The following DMPK variants were observed in gnomAD, a reference collection of about 807,000 sequenced individuals.
The protein encoded by DMPK is DM1 protein kinase.
A neutral mutation model predicts 70.3 loss-of-function variants in DMPK; 32 were observed. The observed-to-expected ratio is 0.46, with a 90% CI of 0.34 to 0.61. DMPK has a LOEUF of 0.61. Among genes scored for constraint, DMPK ranks in the 20% least tolerant of loss-of-function variants. The probability of loss-of-function intolerance (pLI) is 0.01; values close to 1 mark genes in which losing one functional copy is unlikely to be tolerated. For missense variants in DMPK, 899 were observed against 886.0 expected, an observed-to-expected ratio of 1.01 and a Z score of -0.19; for synonymous variants, 469 against 390.9, an observed-to-expected ratio of 1.20 and a Z score of -2.36.
In DMPK at chr19:45,770,952, C is replaced by T. The variant is rs1042689608; in HGVS notation, c.1737+19G>A. On this transcript the variant is annotated intron_variant, in intron 14 of 14. Transcript: ENST00000291270. ...CGCGGGGCGCGACGGCGGAGGGGGG[C>T]GTGGGCAGCCGGACGTACCCTGGCA... 51 of 1,409,022 alleles carry T rather than the reference C, an allele frequency of 3.6e-5. No individual in the cohort carries two copies. Among genetic ancestry groups the T allele is most frequent in the Admixed American group, 1.9e-4 (6 of 31,560 alleles). 87.3% of individuals were successfully genotyped at this position (1,409,022 alleles called of 1,614,324 possible).
At position 45,771,615 on chromosome 19, in the gene DMPK, C is replaced by G; in HGVS notation, c.1553G>C (p.Arg518Pro). 8 of 1,614,036 alleles carry G rather than the reference C, an allele frequency of 5.0e-6. No individual in the cohort carries two copies. Among genetic ancestry groups the G allele is most frequent in the Non-Finnish European group, 6.8e-6 (8 of 1,179,942 alleles). Residue 518 changes from arginine (R) to proline (P), a missense_variant, in exon 12 of 15, where the codon CGG becomes CCG. Transcript: ENST00000291270. ...ARNRDLEAHV[R>P]QLQERMELLQ... ...CAACTCCATCCGCTCCTGCAACTGC[C>G]GGACGTGTGCCTCTAGGTCCCGGTT...
chr19:45,772,893 C>G (rs1265679339), intron 9 of DMPK, 141 bp from the exon 10 acceptor site: 3 of 506,580 alleles, frequency 5.9e-6, no homozygotes, highest in South Asian at 3.2e-5. Flanking sequence ...GCGAAGAGAA[C>G]AGAGTCCCAG....
intron 5 of DMPK, 131 bp downstream of exon 5, chr19:45,778,362 A>C: frequency 7.3e-7 from 1 of 1,362,020 alleles, no homozygotes; most frequent in East Asian, 2.5e-5. Context: ...TCTGACCCCT[A>C]CTCCCAGGCA....
chr19:45,778,894 G>A, intron 4 of DMPK: 2 of 554,422 alleles, frequency 3.6e-6, no homozygotes, highest in East Asian at 2.9e-5. Flanking sequence ...CCCCTGAGAT[G>A]TTCTGGGAAA....
In DMPK at chr19:45,769,947, G is replaced by A. The variant is rs968430899; in HGVS notation, c.*541C>T. 5 of 313,658 alleles carry A rather than the reference G, an allele frequency of 1.6e-5. No homozygotes were observed. Among genetic ancestry groups the A allele is most frequent in the African/African-American group, 6.8e-5 (3 of 43,932 alleles). 19.4% of individuals were successfully genotyped at this position (313,658 alleles called of 1,614,324 possible). A position where few individuals can be genotyped will look rare whatever the true frequency, so the allele number is the denominator to read the frequency against. On this transcript the variant is annotated 3_prime_UTR_variant, in exon 15 of 15. Coordinates refer to ENST00000291270, the MANE Select transcript of DMPK (RefSeq NM_004409.5). ...CTCCGAGAGCAGCGCAAGTGAGGAG[G>A]GGGGCGCGGGATCCCCGAAAAAGCG...
chr19:45,777,134 G>T lies in DMPK; in HGVS notation c.1146+193C>A. The T allele has an allele frequency of 2.6e-6, 2 of 761,638 alleles. No homozygotes were observed. Among genetic ancestry groups the T allele is most frequent in the Admixed American group, 3.3e-5 (1 of 30,380 alleles). 47.2% of individuals were successfully genotyped at this position (761,638 alleles called of 1,614,324 possible). Reference sequence around the variant, plus strand: ...TCACTCTGGGGCCTTACTGTCTGAAGACTGCTCTGTGTTCCCCCACTGGAC... The same window carrying T: ...TCACTCTGGGGCCTTACTGTCTGAATACTGCTCTGTGTTCCCCCACTGGAC... On this transcript the variant is annotated intron_variant, in intron 8 of 14. Transcript: ENST00000291270. The surrounding 1 kb of genome is among the most constrained non-coding windows in gnomAD (Gnocchi z 6.7).
In DMPK at chr19:45,771,001, C is replaced by A; in HGVS notation, c.1707G>T (p.Met569Ile). 3 of 1,447,752 alleles carry A rather than the reference C, an allele frequency of 2.1e-6. No homozygotes were observed. The highest frequency in any genetic ancestry group is 1.5e-5 in the African/African-American group (1 of 68,284). The allele number at this position is 1,447,752 out of a possible 1,614,324, so 89.7% of individuals were successfully genotyped here. Residue 569 changes from methionine to isoleucine, a missense_variant, in exon 14 of 15, where the codon ATG becomes ATT. This residue lies in a region of DMPK where 555 missense variants were observed against 483.8 expected (regional missense o/e 1.15). Transcript: ENST00000291270. ...CAGGGAGCAGCAGGTGGCGGCGGTGCATGGGGCCTGGCCCCACCAGCGGGC... is the reference window on the plus strand; with the variant it reads ...CAGGGAGCAGCAGGTGGCGGCGGTGAATGGGGCCTGGCCCCACCAGCGGGC... The part of the protein sequence containing the change: ...GQCPLVGPGP[M>I]HRRHLLLPAR...
chr19:45,774,830 G>A (rs982882729), intron 9 of DMPK, 119 bp downstream of exon 9: 5 of 726,560 alleles, frequency 6.9e-6, no homozygotes, highest in Admixed American at 5.3e-5. Flanking sequence ...AGGAGTCTTT[G>A]GGCCCAAAAC....
At position 45,774,946 on chromosome 19, in the gene DMPK, T is replaced by TA; in HGVS notation, c.1232+2dup. The TA allele has an allele frequency of 6.2e-7, 1 of 1,613,384 alleles. No homozygotes were observed. Among genetic ancestry groups the TA allele is most frequent in the South Asian group, 1.1e-5 (1 of 91,060 alleles). On this transcript the variant is annotated splice_region_variant and intron_variant, in intron 9 of 14. Transcript: ENST00000291270. ...CCTGGAGGCCGTCCAGGGCAGTGCT[T>TA]ACCTGAGGGCCATGCAGGAGTAGGA...
At chr19:45,770,903 G>C in intron 14 of DMPK, 68 bp downstream of exon 14, 1 of 1,218,348 alleles carries the variant, frequency 8.2e-7, no homozygotes, top group Non-Finnish European at 1.1e-6. Flanking sequence ...GCGCAGCTAA[G>C]CGGGTGGCAA....
rs1265722288 is a variant in DMPK, at chr19:45,782,327, C to T, written c.26G>A (p.Arg9Gln). MSAEVRLR[R>Q]LQQLVLDPGF... The stretch of plus-strand genomic sequence containing the variant: ...CGGGTCCAACACCAGCTGCTGGAGC[C>T]GCCTCAGCCGCACCTCGGCTGACAT... Residue 9 changes from arginine (R) to glutamine (Q), a missense_variant, in exon 1 of 15, where the codon CGG becomes CAG. By Grantham distance (43) the Arg-to-Gln change is conservative (BLOSUM62 1). Coordinates refer to ENST00000291270, the MANE Select transcript of DMPK (RefSeq NM_004409.5). 17 of 1,581,920 alleles carry T rather than the reference C, an allele frequency of 1.1e-5. No homozygotes were observed. The highest frequency in any genetic ancestry group is 6.9e-5 in the South Asian group (6 of 87,344).
At position 45,770,393 on chromosome 19, in the gene DMPK, G is replaced by C; in HGVS notation, c.*95C>G. 2 of 1,453,006 alleles carry C rather than the reference G, an allele frequency of 1.4e-6. No individual in the cohort carries two copies. The highest frequency in any genetic ancestry group is 2.4e-5 in the South Asian group (2 of 81,884). 90.0% of individuals were successfully genotyped at this position (1,453,006 alleles called of 1,614,324 possible). A position where few individuals can be genotyped will look rare whatever the true frequency, so the allele number is the denominator to read the frequency against. On this transcript the variant is annotated 3_prime_UTR_variant, in exon 15 of 15. Transcript: ENST00000291270. ...TGGGCGGAGACCCACGCTCGGAGCGGTTGTGAACTGGCAGGCGGTGGGCGC... is the reference window on the plus strand; with the variant it reads ...TGGGCGGAGACCCACGCTCGGAGCGCTTGTGAACTGGCAGGCGGTGGGCGC...
At position 45,777,936 on chromosome 19, in the gene DMPK, C is replaced by G. The variant is rs1969873137; in HGVS notation, c.676-63G>C. On this transcript the variant is annotated intron_variant, in intron 6 of 14. Transcript: ENST00000291270. This position sits in a 1 kb window ranked among gnomAD's most constrained non-coding sequence, Gnocchi z 6.7. ...CCTCTGGGCCCACCAGCTCTGGGCC[C>G]TCCTTCCAACCACTCCCCAAATGCT... 1 of 1,478,872 alleles carries G rather than the reference C, an allele frequency of 6.8e-7. No individual in the cohort carries two copies. Among genetic ancestry groups the G allele is most frequent in the African/African-American group, 1.4e-5 (1 of 72,124 alleles). The allele number at this position is 1,478,872 out of a possible 1,614,324, so 91.6% of individuals were successfully genotyped here.
chr19:45,777,600 G>A lies in DMPK; in HGVS notation c.883-10C>T. 1.2e-6 allele frequency: 2 copies of A among 1,613,114 alleles called. No homozygotes were observed. Among genetic ancestry groups the A allele is most frequent in the Middle Eastern group, 1.7e-4 (1 of 6,060 alleles). On this transcript the variant is annotated splice_polypyrimidine_tract_variant and intron_variant, in intron 7 of 14. Transcript: ENST00000291270. The surrounding 1 kb of genome is among the most constrained non-coding windows in gnomAD (Gnocchi z 6.7). Reference sequence around the variant, plus strand: ...GCAGAGAGAGGTGCTCCTGCTCAGAGGGAGAGGAGGCGATAGCCTGGGAGC... The same window carrying A: ...GCAGAGAGAGGTGCTCCTGCTCAGAAGGAGAGGAGGCGATAGCCTGGGAGC...
Position 45,779,851 on chromosome 19 carries a change from C to T in DMPK, c.179G>A (p.Arg60Lys), listed in dbSNP as rs1356063930. ...FLQWAEPIVV[R>K]LKEVRLQRDD... is the part of the protein sequence containing the mutation. ...CCTCTGCAGTCGGACCTCCTTAAGC[C>T]TCACCACGATGGGCTCCGCTGGGGG... Residue 60 changes from arginine to lysine, a missense_variant, in exon 2 of 15, where the codon AGG (arginine) becomes AAG (lysine). Physicochemically the swap from Arg to Lys is conservative, Grantham distance 26. Transcript: ENST00000291270. The T allele has an allele frequency of 6.2e-7, 1 of 1,611,980 alleles. No homozygotes were observed. The highest frequency in any genetic ancestry group is 8.5e-7 in the Non-Finnish European group (1 of 1,179,132).
Position 45,782,340 on chromosome 19 carries a change from C to T in DMPK, c.13G>A (p.Val5Met). The change falls in exon 1 of 15, where the codon GTG (valine) becomes ATG (methionine). Residue 5 changes from valine to methionine, a missense_variant. Physicochemically the swap from Val to Met is conservative, Grantham distance 21 (BLOSUM62 1). Around this residue, in one of 3 missense-constraint regions of DMPK, gnomAD observed 149 missense variants for 142.5 expected, o/e 1.05. Transcript: ENST00000291270. ...AGCTGCTGGAGCCGCCTCAGCCGCA[C>T]CTCGGCTGACATGTTGGACAGGCAG... MSAE[V>M]RLRRLQQLVL... The T allele has an allele frequency of 1.9e-6, 3 of 1,575,342 alleles. No homozygotes were observed. Among genetic ancestry groups the T allele is most frequent in the Non-Finnish European group, 2.6e-6 (3 of 1,161,478 alleles).
chr19:45,780,167 G>A (rs1324265446), intron 1 of DMPK: 4 of 1,435,804 alleles, frequency 2.8e-6, no homozygotes, highest in Non-Finnish European at 2.7e-6. Context: ...CAGAAGGACA[G>A]ACCCTAAAGA....
intron 5 of DMPK, 117 bp from the exon 6 acceptor site, chr19:45,778,337 T>A: frequency 7.3e-7 from 1 of 1,367,122 alleles, no homozygotes; most frequent in Non-Finnish European, 1.0e-6. Context: ...TCCGCCCCTG[T>A]AGGGCTTCTA....
At chr19:45,773,955 CTT>C (rs1015477582) in intron 9 of DMPK, among the ~76,000 whole-genome samples, 10 of 135,642 alleles carry the variant, frequency 7.4e-5, no homozygotes, top group Admixed American at 1.5e-4. Flanking sequence ...TAAATTAGTA[CTT>C]TTTTTTTTTT....
Sources: allele counts gnomAD v4.1 joint callset (sites outside exome capture counted in the v4.1 genomes callset), GRCh38; gene constraint gnomAD v4.1.1; regional missense constraint gnomAD v4.1.1; non-coding constraint Gnocchi (gnomAD v3.1); transcripts MANE v1.5; gene names NCBI Gene and HGNC (gene_info 2026-07-23, HGNC 2026-07-21).